The following ZBTB7C variants were observed in gnomAD, a reference collection of about 807,000 sequenced individuals.
ZBTB7C encodes zinc finger and BTB domain-containing protein 7C.
ZBTB7C carries 8 observed loss-of-function variants against 25.7 expected under a neutral mutation model. The ratio of observed to expected loss-of-function variants is 0.31; its 90% confidence interval spans 0.18 to 0.56. ZBTB7C has a LOEUF of 0.56. Among genes scored for constraint, ZBTB7C ranks in the 20% least tolerant of loss-of-function variants. The pLI is 0.91. For missense variants in ZBTB7C, 824 were observed against 855.2 expected (o/e 0.96, Z 0.46); for synonymous variants, 394 against 369.0 (o/e 1.07, Z -0.78).
At chr18:48,386,791 A>G (rs574575365) in intron 1 of ZBTB7C, among the ~76,000 whole-genome samples, 1 of 152,372 alleles carries the variant, frequency 6.6e-6, no homozygotes, top group African/African-American at 2.4e-5. Context: ...ATCTCAAAAA[A>G]ATGTTATCAG....
intron 3 of ZBTB7C, among the ~76,000 whole-genome samples, chr18:48,116,022 C>T (rs184915005): frequency 9.8e-4 from 149 of 151,940 alleles, no homozygotes; most frequent in Non-Finnish European, 4.9e-4. Context: ...TTATCCTTCG[C>T]GCCTATATAT....
At chr18:48,216,453 C>T (rs987917027) in intron 2 of ZBTB7C, among the ~76,000 whole-genome samples, 1 of 151,972 alleles carries the variant, frequency 6.6e-6, no homozygotes, top group Non-Finnish European at 1.5e-5. Flanking sequence ...AAATGGGCAG[C>T]GAGGGCAACC....
At chr18:48,284,929 A>G (rs1440918189) in intron 2 of ZBTB7C, among the ~76,000 whole-genome samples, 2 of 152,168 alleles carry the variant, frequency 1.3e-5, no homozygotes, top group Non-Finnish European at 1.5e-5. Flanking sequence ...CCTTTATCTT[A>G]TAAGACTGGA....
At position 48,029,681 on chromosome 18, in the gene ZBTB7C, C is replaced by G. The variant is rs764494790; in HGVS notation, c.1439G>C (p.Gly480Ala). ...QSCRMARPRR[G>A]RKPAAWRAAS... Reference sequence around the variant, plus strand: ...GGCCCTCCACGCAGCAGGCTTGCGGCCGCGTCGGGGCCGTGCCATGCGGCA... The same window carrying G: ...GGCCCTCCACGCAGCAGGCTTGCGGGCGCGTCGGGGCCGTGCCATGCGGCA... The change falls in exon 5 of 5, where the codon GGC becomes GCC. Residue 480 changes from glycine (G) to alanine (A), a missense_variant. Transcript: ENST00000590800. The G allele has an allele frequency of 1.3e-6, 2 of 1,578,828 alleles. No individual in the cohort carries two copies. The highest frequency in any genetic ancestry group is 1.7e-4 in the Middle Eastern group (1 of 5,962).
At chr18:48,263,800 T>C (rs992437332) in intron 2 of ZBTB7C, among the ~76,000 whole-genome samples, 1 of 151,790 alleles carries the variant, frequency 6.6e-6, no homozygotes, top group African/African-American at 2.4e-5. Context: ...AGTAATAGAT[T>C]AGTAATCAAA....
chr18:48,347,424 C>T (rs1279659147), intron 1 of ZBTB7C, among the ~76,000 whole-genome samples: 1 of 152,190 alleles, frequency 6.6e-6, no homozygotes, highest in Non-Finnish European at 1.5e-5. Flanking sequence ...TTTCTTTTCC[C>T]TGCTTCCCCT....
At chr18:48,133,402 G>A (rs1294827624) in intron 3 of ZBTB7C, among the ~76,000 whole-genome samples, 1 of 152,156 alleles carries the variant, frequency 6.6e-6, no homozygotes, top group Non-Finnish European at 1.5e-5. Flanking sequence ...CTAAACACAG[G>A]ATCAAGATGT....
At chr18:48,235,606 T>C (rs1395551096) in intron 2 of ZBTB7C, among the ~76,000 whole-genome samples, 1 of 152,222 alleles carries the variant, frequency 6.6e-6, no homozygotes, top group Non-Finnish European at 1.5e-5. Flanking sequence ...ACAAGTTTCC[T>C]TCTTTCTTAA....
At chr18:48,341,987 G>A (rs1046038012) in intron 1 of ZBTB7C, among the ~76,000 whole-genome samples, 2 of 152,212 alleles carry the variant, frequency 1.3e-5, no homozygotes, top group African/African-American at 4.8e-5. Flanking sequence ...GGCCATTGTG[G>A]GGCTCAGGCA....
At position 48,213,765 on chromosome 18, in the gene ZBTB7C, C is replaced by G. The variant is rs1275972528; in HGVS notation, c.-78-27770G>C. Among the ~76,000 whole-genome samples, 7 of 152,128 alleles carry G rather than the reference C, an allele frequency of 4.6e-5. No homozygotes were observed. In the South Asian group the frequency reaches 1.0e-3, roughly 22 times the overall value. On this transcript the variant is annotated intron_variant, in intron 2 of 4. Transcript: ENST00000590800. Reference sequence around the variant, plus strand: ...AGGCTCCATTGGGCTAAAGGACATGCTGGAAAATTTTGGCAGGGATGGGAA... The same window carrying G: ...AGGCTCCATTGGGCTAAAGGACATGGTGGAAAATTTTGGCAGGGATGGGAA...
intron 3 of ZBTB7C, among the ~76,000 whole-genome samples, chr18:48,115,810 T>C (rs1277757535): frequency 6.6e-6 from 1 of 152,160 alleles, no homozygotes; most frequent in East Asian, 1.9e-4. Flanking sequence ...CAACAGTTTT[T>C]AGTCCTACAT....
intron 2 of ZBTB7C, among the ~76,000 whole-genome samples, chr18:48,333,590 C>A (rs1436974343): frequency 1.3e-5 from 2 of 152,086 alleles, no homozygotes; most frequent in African/African-American, 2.4e-5. Flanking sequence ...TTTGTGACAC[C>A]CCCCTCTGCA....
At chr18:48,146,425 AT>A (rs1315194914) in intron 3 of ZBTB7C, among the ~76,000 whole-genome samples, 1 of 152,206 alleles carries the variant, frequency 6.6e-6, no homozygotes, top group Non-Finnish European at 1.5e-5. Flanking sequence ...ACTTATTTTT[AT>A]ATGGTACAGA....
At chr18:48,048,613 T>C (rs1379728238) in intron 3 of ZBTB7C, among the ~76,000 whole-genome samples, 1 of 152,244 alleles carries the variant, frequency 6.6e-6, no homozygotes, top group East Asian at 1.9e-4. Context: ...AATTGCCTCC[T>C]GATATGTAGT....
intron 2 of ZBTB7C, among the ~76,000 whole-genome samples, chr18:48,201,341 C>T (rs1054979275): frequency 1.4e-4 from 21 of 152,282 alleles, no homozygotes; most frequent in African/African-American, 5.1e-4. Flanking sequence ...AAGGTATAGC[C>T]CAGGATGTAA....
At chr18:48,400,171 C>T (rs1289121316) in intron 1 of ZBTB7C, among the ~76,000 whole-genome samples, 1 of 152,204 alleles carries the variant, frequency 6.6e-6, no homozygotes, top group Non-Finnish European at 1.5e-5. Flanking sequence ...TGAACACTGT[C>T]AGTTCTCAGA....
At chr18:48,329,074 C>G (rs992954311) in intron 2 of ZBTB7C, among the ~76,000 whole-genome samples, 1 of 152,218 alleles carries the variant, frequency 6.6e-6, no homozygotes, top group Non-Finnish European at 1.5e-5. Context: ...AAGATATATT[C>G]TCTGAGTCAT....
chr18:48,200,701 G>A (rs1201883952), intron 2 of ZBTB7C, among the ~76,000 whole-genome samples: 1 of 152,214 alleles, frequency 6.6e-6, no homozygotes. Context: ...CTCCACAGAA[G>A]CACGGTGCAG....
At position 48,396,404 on chromosome 18, in the gene ZBTB7C, A is replaced by C. The variant is rs1053291987; in HGVS notation, c.-304+12822T>G. On this transcript the variant is annotated intron_variant, in intron 1 of 4. Coordinates refer to ENST00000590800, the MANE Select transcript of ZBTB7C (RefSeq NM_001318841.2). Reference sequence around the variant, plus strand: ...ATAAATACTCTGCAAAAGCCAAGACAAGAAGCCTGACATGAACAAAACCTC... The same window carrying C: ...ATAAATACTCTGCAAAAGCCAAGACCAGAAGCCTGACATGAACAAAACCTC... Among the ~76,000 whole-genome samples, 8 of 152,214 alleles carry C rather than the reference A, an allele frequency of 5.3e-5. No homozygotes were observed. The East Asian group carries it at 1.5e-3, about 29-fold the overall frequency.
Sources: allele counts gnomAD v4.1 joint callset (sites outside exome capture counted in the v4.1 genomes callset), GRCh38; gene constraint gnomAD v4.1.1; transcripts MANE v1.5; gene names NCBI Gene and HGNC (gene_info 2026-07-23, HGNC 2026-07-21).